Variants in TRDN observed in about 807,000 individuals in gnomAD.
TRDN encodes triadin.
In TRDN, 161 loss-of-function variants were observed where a neutral mutation model predicts 149.7. The observed-to-expected ratio is 1.08, with a 90% CI of 0.95 to 1.23. The LOEUF (loss-of-function observed/expected upper bound fraction) is 1.23, where lower values mean the gene tolerates loss of function less well. Among genes scored for constraint, TRDN ranks in the 50% most tolerant of loss-of-function variants. The pLI is 0.00. For synonymous variants in TRDN, 294 were observed against 250.5 expected (o/e 1.17, Z -1.64); for missense variants, 896 against 823.5 (o/e 1.09, Z -1.08).
intron 33 of TRDN, among the ~76,000 whole-genome samples, chr6:123,264,586 T>G (rs896682483): frequency 1.3e-5 from 2 of 152,040 alleles, no homozygotes; most frequent in African/African-American, 4.8e-5. Context: ...GAAGCCAAGT[T>G]TGAGATGACT....
chr6:123,559,274 G>A (rs1199412361), intron 2 of TRDN, among the ~76,000 whole-genome samples: 2 of 152,110 alleles, frequency 1.3e-5, no homozygotes, highest in African/African-American at 2.4e-5. Flanking sequence ...ACTGTTGTGG[G>A]TATTGATGGC....
At chr6:123,463,357 TAATAAATAAATA>T (rs374409398) in intron 10 of TRDN, among the ~76,000 whole-genome samples, 60 of 146,220 alleles carry the variant, frequency 4.1e-4, no homozygotes, top group Middle Eastern at 7.1e-3. Flanking sequence ...AAAAAATAAA[TAATAAATAAATA>T]AATAAATAAA....
chr6:123,513,540 C>G (rs1779273695), intron 6 of TRDN, among the ~76,000 whole-genome samples: 2 of 151,826 alleles, frequency 1.3e-5, no homozygotes, highest in African/African-American at 4.8e-5. Flanking sequence ...GAGCCTAGTG[C>G]TAATAATTCT....
intron 24 of TRDN, among the ~76,000 whole-genome samples, chr6:123,303,312 CATAA>C (rs1778495818): frequency 6.6e-6 from 1 of 151,400 alleles, no homozygotes; most frequent in Non-Finnish European, 1.5e-5. Flanking sequence ...ATTTCCTTTC[CATAA>C]AGATAATGTT....
At chr6:123,426,974 T>C in intron 12 of TRDN, among the ~76,000 whole-genome samples, 1 of 148,336 alleles carries the variant, frequency 6.7e-6, no homozygotes, top group African/African-American at 2.6e-5. Context: ...ATTTTTTGCA[T>C]TATAAATAAT....
At chr6:123,450,892 T>C (rs778636089) in intron 10 of TRDN, among the ~76,000 whole-genome samples, 9 of 152,086 alleles carry the variant, frequency 5.9e-5, no homozygotes, top group Non-Finnish European at 1.0e-4. Context: ...TGAAATTATA[T>C]CAAGCACTCT....
intron 10 of TRDN, among the ~76,000 whole-genome samples, chr6:123,446,697 T>C (rs968664481): frequency 6.6e-6 from 1 of 151,726 alleles, no homozygotes; most frequent in Non-Finnish European, 1.5e-5. Context: ...GCAGATCTCC[T>C]AGAATCTTTT....
At chr6:123,545,076 C>A (rs1327158898) in intron 4 of TRDN, among the ~76,000 whole-genome samples, 1 of 151,368 alleles carries the variant, frequency 6.6e-6, no homozygotes, top group Admixed American at 6.6e-5. Flanking sequence ...AGATATAGGG[C>A]AGTTGAATAA....
rs916690179 is a variant in TRDN at position 123,564,622 on chromosome 6, G to A, written c.232+6301C>T. On this transcript the variant is annotated intron_variant, in intron 2 of 40. Transcript: ENST00000334268. ...CCTCATTAGAAAATCTATTTAAAAGGCACATCAGGAGATGTCTGCAAGACT... is the reference window on the plus strand; with the variant it reads ...CCTCATTAGAAAATCTATTTAAAAGACACATCAGGAGATGTCTGCAAGACT... Among the ~76,000 whole-genome samples, 5 of 152,090 alleles carry A rather than the reference G, an allele frequency of 3.3e-5. No individual in the cohort carries two copies. The South Asian group carries it at 6.2e-4, about 19-fold the overall frequency.
At chr6:123,263,023 A>G (rs1562235636) in intron 33 of TRDN, among the ~76,000 whole-genome samples, 1 of 152,096 alleles carries the variant, frequency 6.6e-6, no homozygotes, top group South Asian at 2.1e-4. Flanking sequence ...TTAAACCAAA[A>G]ACTAGAAATG....
intron 5 of TRDN, among the ~76,000 whole-genome samples, chr6:123,527,619 TC>T (rs1455443377): frequency 4.6e-5 from 7 of 151,888 alleles, no homozygotes; most frequent in Non-Finnish European, 1.0e-4. Context: ...TTCTGCCTGT[TC>T]CCCAGGGGCC....
At chr6:123,634,913 A>G (rs1189754952) in intron 1 of TRDN, among the ~76,000 whole-genome samples, 1 of 151,990 alleles carries the variant, frequency 6.6e-6, no homozygotes, top group Non-Finnish European at 1.5e-5. Context: ...GTAACTCCAG[A>G]AGGTCTTCCA....
chr6:123,575,501 G>A (rs749215228), intron 1 of TRDN, among the ~76,000 whole-genome samples: 17 of 152,036 alleles, frequency 1.1e-4, no homozygotes, highest in African/African-American at 1.7e-4. Flanking sequence ...AAATATTACC[G>A]AGCAATTTGA....
intron 21 of TRDN, chr6:123,349,673 T>C (rs1440801610): frequency 1.0e-6 from 1 of 964,842 alleles, no homozygotes; most frequent in African/African-American, 1.8e-5. Flanking sequence ...CACCAAGAAA[T>C]ATGAACATTC....
At chr6:123,447,447 C>G (rs1224192319) in intron 10 of TRDN, among the ~76,000 whole-genome samples, 1 of 152,088 alleles carries the variant, frequency 6.6e-6, no homozygotes, top group Non-Finnish European at 1.5e-5. Context: ...ATGCAACTCC[C>G]CATGGCTGAG....
intron 24 of TRDN, among the ~76,000 whole-genome samples, chr6:123,290,127 C>T (rs182501285): frequency 2.0e-5 from 3 of 152,198 alleles, no homozygotes; most frequent in East Asian, 3.9e-4. Context: ...TTAGGGACTC[C>T]GGGATAGTCC....
At chr6:123,418,277 A>T (rs1352671584) in intron 12 of TRDN, among the ~76,000 whole-genome samples, 2 of 152,132 alleles carry the variant, frequency 1.3e-5, no homozygotes, top group African/African-American at 4.8e-5. Flanking sequence ...TGCTCACATC[A>T]TCAAATACGT....
intron 24 of TRDN, among the ~76,000 whole-genome samples, chr6:123,285,097 G>A (rs904852723): frequency 3.3e-5 from 5 of 151,810 alleles, no homozygotes; most frequent in Admixed American, 3.3e-4. Flanking sequence ...GAATCAATAT[G>A]TGAAAATGAC....
In TRDN at chr6:123,544,085, AT is replaced by A. The variant is rs567346305; in HGVS notation, c.424+3254del. ...AGTTATTATTAAACCTGAAAAATGA[AT>A]TTTTTTTAGAATGCCATCGAATGAA... On this transcript the variant is annotated intron_variant, in intron 4 of 40. Transcript: ENST00000334268. Among the ~76,000 whole-genome samples the A allele has an allele frequency of 4.6e-5, 7 of 152,052 alleles. No homozygotes were observed. The South Asian group carries it at 6.2e-4, about 14-fold the overall frequency.
Sources: allele counts gnomAD v4.1 joint callset (sites outside exome capture counted in the v4.1 genomes callset), GRCh38; gene constraint gnomAD v4.1.1; transcripts MANE v1.5; gene names NCBI Gene and HGNC (gene_info 2026-07-23, HGNC 2026-07-21).